PRKCE: variants seen among roughly 807,000 people sequenced by gnomAD.
PRKCE encodes protein kinase C epsilon type.
Under a neutral mutation model 85.4 loss-of-function variants are expected in PRKCE, and 16 were observed. That is an observed-to-expected ratio of 0.19 (90% CI 0.13 to 0.28). The LOEUF (loss-of-function observed/expected upper bound fraction) is 0.28. Among genes scored for constraint, PRKCE ranks in the 10% least tolerant of loss-of-function variants. PRKCE has a pLI of 1.00. For missense variants in PRKCE, 573 were observed against 975.2 expected (o/e 0.59, Z 5.49); for synonymous variants, 388 against 371.5 (o/e 1.04, Z -0.51).
chr2:45,808,499 A>G (rs1225314194), intron 1 of PRKCE, among the ~76,000 whole-genome samples: 2 of 152,172 alleles, frequency 1.3e-5, no homozygotes, highest in South Asian at 2.1e-4. Flanking sequence ...TTAAACAATT[A>G]TCACTCCTCC....
intron 10 of PRKCE, chr2:46,073,991 C>T (rs1668302042): frequency 6.6e-6 from 1 of 152,072 alleles, no homozygotes; most frequent in Admixed American, 6.5e-5. Context: ...TATACTCAAG[C>T]AGGAAAGGTA....
At chr2:45,951,924 C>A (rs1183570554) in intron 2 of PRKCE, among the ~76,000 whole-genome samples, 1 of 152,252 alleles carries the variant, frequency 6.6e-6, no homozygotes, top group African/African-American at 2.4e-5. Flanking sequence ...ACTCTGCCTC[C>A]TGGGTTCAAG....
chr2:45,774,220 C>T lies in PRKCE; in HGVS notation c.349-68780C>T, dbSNP rs1013844404. Among the ~76,000 whole-genome samples the T allele has an allele frequency of 1.3e-5, 2 of 152,062 alleles. No individual in the cohort carries two copies. Among genetic ancestry groups the T allele is most frequent in the Non-Finnish European group, 2.9e-5 (2 of 68,002 alleles). On this transcript the variant is annotated intron_variant, in intron 1 of 14. Transcript: ENST00000306156. The surrounding 1 kb of genome is among the most constrained non-coding windows in gnomAD (Gnocchi z 4.3). ...TGACCACCCCTGTGGTCAGGGCCTG[C>T]GACTGGTGAGGTTCTAAGGCCTCCC... is the stretch of plus-strand genomic sequence containing the variant.
intron 1 of PRKCE, among the ~76,000 whole-genome samples, chr2:45,828,633 G>A (rs1227090639): frequency 1.3e-5 from 2 of 152,064 alleles, no homozygotes; most frequent in Non-Finnish European, 2.9e-5. Context: ...GGATGACTGA[G>A]TTTCTTTTCT....
At chr2:45,986,607 C>G (rs1703345462) in intron 6 of PRKCE, among the ~76,000 whole-genome samples, 1 of 152,112 alleles carries the variant, frequency 6.6e-6, no homozygotes, top group Non-Finnish European at 1.5e-5. Context: ...GGAGATTCCC[C>G]TTATTTTCTG....
chr2:46,088,258 AC>A (rs2103927114), intron 11 of PRKCE, among the ~76,000 whole-genome samples: 1 of 152,188 alleles, frequency 6.6e-6, no homozygotes, highest in Non-Finnish European at 1.5e-5. Context: ...TTTCGCACCC[AC>A]AAAGTTTCTT....
rs750573006 is a variant in PRKCE at position 46,001,379 on chromosome 2, G to A, written c.824-25G>A. 20 of 1,590,824 alleles carry A rather than the reference G, an allele frequency of 1.3e-5. No homozygotes were observed. In the South Asian group the frequency reaches 1.6e-4, roughly 12 times the overall value. ...CATCTTAGGCCATGAACACTTATCT[G>A]TCTTTTCTCCATGTCTCCTTACAGT... On this transcript the variant is annotated intron_variant, in intron 6 of 14. Coordinates refer to ENST00000306156, the MANE Select transcript of PRKCE (RefSeq NM_005400.3). This position sits in a 1 kb window ranked among gnomAD's most constrained non-coding sequence, Gnocchi z 4.4.
intron 2 of PRKCE, among the ~76,000 whole-genome samples, chr2:45,968,328 T>C (rs1701872669): frequency 6.6e-6 from 1 of 152,194 alleles, no homozygotes; most frequent in Non-Finnish European, 1.5e-5. Context: ...GCAACTTGGA[T>C]GGACTTGGAG....
chr2:45,846,296 C>G (rs1400682318), intron 2 of PRKCE, among the ~76,000 whole-genome samples: 1 of 152,134 alleles, frequency 6.6e-6, no homozygotes, highest in Non-Finnish European at 1.5e-5. Flanking sequence ...CTTATTCTTT[C>G]TAATAATGTG....
intron 1 of PRKCE, among the ~76,000 whole-genome samples, chr2:45,771,700 G>A (rs1486162592): frequency 2.1e-5 from 2 of 94,590 alleles, no homozygotes; most frequent in Non-Finnish European, 5.1e-5. Context: ...TACAGAGTGG[G>A]GCGTGTGTGT....
chr2:45,693,958 T>C (rs1052406304), intron 1 of PRKCE, among the ~76,000 whole-genome samples: 2 of 151,868 alleles, frequency 1.3e-5, no homozygotes, highest in Non-Finnish European at 2.9e-5. Context: ...GGAGTCGTGG[T>C]GTGAAAGAAG....
At chr2:46,061,381 G>A (rs756525274) in intron 10 of PRKCE, among the ~76,000 whole-genome samples, 33 of 151,946 alleles carry the variant, frequency 2.2e-4, no homozygotes, top group Non-Finnish European at 4.3e-4. Context: ...AAAGGGTTGG[G>A]GTTACAGGCG....
chr2:45,858,715 T>C, intron 2 of PRKCE, among the ~76,000 whole-genome samples: 1 of 152,198 alleles, frequency 6.6e-6, no homozygotes, highest in East Asian at 1.9e-4. Context: ...AAGTAATGTA[T>C]TGTTTTGTTT....
chr2:45,775,744 A>G (rs1197493641), intron 1 of PRKCE, among the ~76,000 whole-genome samples: 1 of 152,096 alleles, frequency 6.6e-6, no homozygotes, highest in African/African-American at 2.4e-5. Flanking sequence ...TCCTCGGGTT[A>G]CGTTATTCTT....
chr2:46,186,703 G>C lies in PRKCE; in HGVS notation c.*1822G>C, dbSNP rs950921478. On this transcript the variant is annotated 3_prime_UTR_variant, in exon 15 of 15. Coordinates refer to ENST00000306156, the MANE Select transcript of PRKCE (RefSeq NM_005400.3). ...CTGTGCTCTATTATACCCTGATAGA[G>C]ATGGGGGAGAGAAAGGAATGTTTTT... 3.1e-4 allele frequency: 47 copies of C among 152,618 alleles called. No homozygotes were observed. The highest frequency in any genetic ancestry group is 1.0e-4 in the Non-Finnish European group (7 of 68,038). 9.5% of individuals were successfully genotyped at this position (152,618 alleles called of 1,614,324 possible).
At chr2:45,980,694 G>A (rs999282641) in intron 5 of PRKCE, among the ~76,000 whole-genome samples, 8 of 152,274 alleles carry the variant, frequency 5.3e-5, no homozygotes, top group African/African-American at 1.9e-4. Flanking sequence ...GCTAACCAAT[G>A]TGTCACTAGC....
intron 10 of PRKCE, among the ~76,000 whole-genome samples, chr2:46,083,443 T>A (rs1669291494): frequency 6.6e-6 from 1 of 152,020 alleles, no homozygotes; most frequent in Non-Finnish European, 1.5e-5. Flanking sequence ...GAGGGGAGAT[T>A]TTTTCCCCTT....
intron 1 of PRKCE, among the ~76,000 whole-genome samples, chr2:45,728,808 T>C (rs942376271): frequency 1.3e-5 from 2 of 152,202 alleles, no homozygotes; most frequent in African/African-American, 4.8e-5. Context: ...TCATAACAAC[T>C]GTATGAGGAA....
chr2:45,846,118 G>A (rs918937766), intron 2 of PRKCE, among the ~76,000 whole-genome samples: 3 of 152,090 alleles, frequency 2.0e-5, no homozygotes, highest in Non-Finnish European at 4.4e-5. Context: ...GGGGGTTCTG[G>A]TAAGGGTGGC....
Sources: allele counts gnomAD v4.1 joint callset (sites outside exome capture counted in the v4.1 genomes callset), GRCh38; gene constraint gnomAD v4.1.1; non-coding constraint Gnocchi (gnomAD v3.1); transcripts MANE v1.5; gene names NCBI Gene and HGNC (gene_info 2026-07-23, HGNC 2026-07-21).